The following ZBTB7C variants were observed in gnomAD, a reference collection of about 807,000 sequenced individuals.
ZBTB7C encodes zinc finger and BTB domain containing 7C.
In ZBTB7C, 8 loss-of-function variants were observed where a neutral mutation model predicts 25.7. The ratio of observed to expected loss-of-function variants is 0.31; its 90% confidence interval spans 0.18 to 0.56. The LOEUF (loss-of-function observed/expected upper bound fraction) is 0.56, where lower values mean the gene tolerates loss of function less well. ZBTB7C is among the 20% of genes least tolerant of loss of function. The probability of loss-of-function intolerance (pLI) is 0.91; values close to 1 mark genes in which losing one functional copy is unlikely to be tolerated. For missense variants in ZBTB7C, 824 were observed against 855.2 expected (o/e 0.96, Z 0.46); for synonymous variants, 394 against 369.0 (o/e 1.07, Z -0.78).
chr18:48,394,917 G>A (rs991633695), intron 1 of ZBTB7C, among the ~76,000 whole-genome samples: 3 of 152,148 alleles, frequency 2.0e-5, no homozygotes, highest in South Asian at 2.1e-4. Context: ...TAAAATCAGC[G>A]CGCACATACT....
intron 3 of ZBTB7C, among the ~76,000 whole-genome samples, chr18:48,130,383 G>T (rs1032808314): frequency 2.2e-4 from 33 of 152,144 alleles, no homozygotes; most frequent in Admixed American, 7.2e-4. Flanking sequence ...GACCCTGAGT[G>T]GGGAGGGAGA....
chr18:48,215,087 T>A (rs7237342), intron 2 of ZBTB7C, among the ~76,000 whole-genome samples: 2,813 of 152,348 alleles, frequency 0.018, 97 homozygotes, highest in African/African-American at 0.064. Context: ...ATACATTGAT[T>A]AATGATAAAT....
chr18:48,306,886 T>A (rs781127008), intron 2 of ZBTB7C, among the ~76,000 whole-genome samples: 3 of 152,188 alleles, frequency 2.0e-5, no homozygotes. Context: ...AAAACAGATA[T>A]GCCCTTTGCA....
intron 2 of ZBTB7C, among the ~76,000 whole-genome samples, chr18:48,268,369 T>C (rs1341998658): frequency 6.6e-6 from 1 of 152,108 alleles, no homozygotes; most frequent in African/African-American, 2.4e-5. Flanking sequence ...AGAACTGAGC[T>C]CAACTTTGAA....
At chr18:48,259,037 C>T (rs1175830055) in intron 2 of ZBTB7C, among the ~76,000 whole-genome samples, 25 of 151,900 alleles carry the variant, frequency 1.6e-4, no homozygotes, top group Admixed American at 1.6e-3. Context: ...GCAACCTCCA[C>T]CTCCCAGGTT....
chr18:48,133,271 C>A (rs193013531), intron 3 of ZBTB7C, among the ~76,000 whole-genome samples: 1 of 152,116 alleles, frequency 6.6e-6, no homozygotes, highest in South Asian at 2.1e-4. Context: ...TGCATGGGTG[C>A]GGATGAAGTG....
intron 2 of ZBTB7C, among the ~76,000 whole-genome samples, chr18:48,237,768 AC>A (rs1436924385): frequency 6.6e-6 from 1 of 152,220 alleles, no homozygotes; most frequent in Non-Finnish European, 1.5e-5. Flanking sequence ...GCACATGGTT[AC>A]CATCAAATAT....
chr18:48,077,049 A>T, intron 3 of ZBTB7C: 32 of 575,190 alleles, frequency 5.6e-5, no homozygotes, highest in South Asian at 7.8e-5. Flanking sequence ...AATGCACAAT[A>T]TGTTGTTATA....
At chr18:48,245,092 G>GTATATATATATATATATATATATA (rs1397704476) in intron 2 of ZBTB7C, among the ~76,000 whole-genome samples, 6 of 126,320 alleles carry the variant, frequency 4.7e-5, no homozygotes, top group Admixed American at 1.7e-4. Context: ...GTGTGTGTGT[G>GTATATATATATATATATATATATA]TATATATATA....
At chr18:48,400,838 T>A (rs1328492674) in intron 1 of ZBTB7C, among the ~76,000 whole-genome samples, 1 of 152,230 alleles carries the variant, frequency 6.6e-6, no homozygotes, top group Non-Finnish European at 1.5e-5. Context: ...ATATTTCTAT[T>A]AGGCTGCACT....
At chr18:48,189,540 T>C (rs1472365079) in intron 2 of ZBTB7C, among the ~76,000 whole-genome samples, 1 of 152,064 alleles carries the variant, frequency 6.6e-6, no homozygotes, top group Admixed American at 6.5e-5. Flanking sequence ...TCTTCCAACT[T>C]AGAAAAATAA....
At chr18:48,194,883 G>C (rs552240032) in intron 2 of ZBTB7C, among the ~76,000 whole-genome samples, 1 of 151,654 alleles carries the variant, frequency 6.6e-6, no homozygotes, top group Non-Finnish European at 1.5e-5. Flanking sequence ...ACATCTGGGA[G>C]GGGGGAGGGG....
intron 3 of ZBTB7C, among the ~76,000 whole-genome samples, chr18:48,045,171 G>A (rs1268932837): frequency 6.6e-6 from 1 of 152,256 alleles, no homozygotes; most frequent in African/African-American, 2.4e-5. Context: ...CAGCCAAGCA[G>A]GCAAGGGCCG....
At chr18:48,338,486 TTC>T (rs2046507443) in intron 1 of ZBTB7C, 88 bp from the exon 2 acceptor site, 1 of 152,148 alleles carries the variant, frequency 6.6e-6, no homozygotes, top group South Asian at 2.1e-4. Context: ...CTAGCCATCC[TTC>T]TCTTTCTCTT....
chr18:48,242,437 A>G (rs953591970), intron 2 of ZBTB7C, among the ~76,000 whole-genome samples: 1 of 152,234 alleles, frequency 6.6e-6, no homozygotes, highest in African/African-American at 2.4e-5. Context: ...TATAGATGCA[A>G]AAGTCCTGAA....
At chr18:48,058,352 G>T (rs2036996964) in intron 3 of ZBTB7C, among the ~76,000 whole-genome samples, 1 of 152,174 alleles carries the variant, frequency 6.6e-6, no homozygotes, top group African/African-American at 2.4e-5. Flanking sequence ...GTGGGACCCT[G>T]CCATCTCAGT....
At chr18:48,161,228 G>C (rs897232652) in intron 3 of ZBTB7C, among the ~76,000 whole-genome samples, 5 of 151,998 alleles carry the variant, frequency 3.3e-5, no homozygotes, top group Admixed American at 3.3e-4. Flanking sequence ...GGGCCTGGGG[G>C]ACGGGGGCAG....
chr18:48,054,963 CAT>C (rs1478918431), intron 3 of ZBTB7C, among the ~76,000 whole-genome samples: 6 of 152,170 alleles, frequency 3.9e-5, no homozygotes, highest in East Asian at 1.9e-4. Flanking sequence ...TCAATTACCA[CAT>C]GTTATTGATC....
At chr18:48,180,088 CCCTTCCTTCCTTT>C (rs1174823194) in intron 3 of ZBTB7C, among the ~76,000 whole-genome samples, 10 of 77,160 alleles carry the variant, frequency 1.3e-4, no homozygotes, top group East Asian at 1.3e-3. Context: ...AAGATATTTC[CCCTTCCTTCCTTT>C]CCTTCCTTCC....
Sources: gnomAD v4.1 joint callset for allele counts (sites outside exome capture counted in the v4.1 genomes callset) on GRCh38, gnomAD v4.1.1 for gene constraint, MANE v1.5 for transcripts, NCBI Gene and HGNC (gene_info 2026-07-23, HGNC 2026-07-21) for gene names.